The following NRG3 variants were observed in gnomAD, a reference collection of about 807,000 sequenced individuals.
NRG3 encodes neuregulin 3.
NRG3 carries 31 observed loss-of-function variants against 66.9 expected under a neutral mutation model. The observed-to-expected ratio is 0.46, with a 90% CI of 0.35 to 0.63. The LOEUF (loss-of-function observed/expected upper bound fraction) is 0.63, where lower values mean the gene tolerates loss of function less well. Ranked by LOEUF, NRG3 falls within the 20% of genes least tolerant of loss-of-function variation. NRG3 has a pLI of 0.00. For missense variants in NRG3, 910 were observed against 878.9 expected (o/e 1.04, Z -0.45); for synonymous variants, 393 against 359.4 (o/e 1.09, Z -1.06).
At chr10:82,862,138 G>A (rs975281262) in intron 3 of NRG3, among the ~76,000 whole-genome samples, 1 of 152,134 alleles carries the variant, frequency 6.6e-6, no homozygotes, top group Non-Finnish European at 1.5e-5. Flanking sequence ...TGCACCCTCA[G>A]GCATCAACAC....
rs192430428 is a variant in NRG3, at chr10:82,730,421, A to G, written c.954-8156A>G. On this transcript the variant is annotated intron_variant, in intron 2 of 8. Coordinates refer to ENST00000372141, the MANE Select transcript of NRG3 (RefSeq NM_001010848.4). ...TTCTTAAAATTTAAGATATAATTCC[A>G]TTAGCAAGAAACGTCAGAGTGACAT... is the stretch of plus-strand genomic sequence containing the variant. Among the ~76,000 whole-genome samples the G allele has an allele frequency of 1.6e-3, 250 of 152,304 alleles. 1 individual carries two copies. Among genetic ancestry groups the G allele is most frequent in the African/African-American group, 5.7e-3 (238 of 41,560 alleles).
chr10:82,551,645 C>A (rs2044316096), intron 2 of NRG3, among the ~76,000 whole-genome samples: 2 of 150,364 alleles, frequency 1.3e-5, no homozygotes, highest in East Asian at 2.0e-4. Context: ...CCACACAAAA[C>A]AACTACCTAG....
At chr10:82,830,614 T>C (rs1215598064) in intron 3 of NRG3, among the ~76,000 whole-genome samples, 1 of 152,052 alleles carries the variant, frequency 6.6e-6, no homozygotes, top group Non-Finnish European at 1.5e-5. Context: ...ATAAATATAA[T>C]AAAACCCACC....
chr10:82,186,032 A>C (rs773283915), intron 1 of NRG3, among the ~76,000 whole-genome samples: 1 of 152,182 alleles, frequency 6.6e-6, no homozygotes, highest in Admixed American at 6.5e-5. Flanking sequence ...CAATATCAGC[A>C]GAAAGCTTAT....
intron 2 of NRG3, among the ~76,000 whole-genome samples, chr10:82,440,437 TAA>T (rs1157729259): frequency 2.0e-5 from 3 of 151,910 alleles, no homozygotes; most frequent in African/African-American, 7.3e-5. Flanking sequence ...TTTGCTTCAT[TAA>T]TGATAGTTTT....
chr10:81,911,614 T>G (rs1845166887), intron 1 of NRG3, among the ~76,000 whole-genome samples: 1 of 139,918 alleles, frequency 7.1e-6, no homozygotes, highest in Non-Finnish European at 1.5e-5. Flanking sequence ...TTTTTTTTTT[T>G]TTTTTTTTTT....
intron 2 of NRG3, among the ~76,000 whole-genome samples, chr10:82,568,764 C>T (rs1451067998): frequency 1.3e-5 from 2 of 151,808 alleles, no homozygotes; most frequent in African/African-American, 2.4e-5. Flanking sequence ...CCTTATAACA[C>T]GGAAACTCCT....
intron 4 of NRG3, among the ~76,000 whole-genome samples, chr10:82,896,138 C>T (rs1375194974): frequency 6.6e-6 from 1 of 152,182 alleles, no homozygotes; most frequent in Non-Finnish European, 1.5e-5. Flanking sequence ...GTACAGTTTA[C>T]ATGATGAAAG....
chr10:82,285,047 A>T (rs1415692433), intron 1 of NRG3, among the ~76,000 whole-genome samples: 1 of 152,136 alleles, frequency 6.6e-6, no homozygotes, highest in Non-Finnish European at 1.5e-5. Context: ...TCTAACTTTT[A>T]TTTGTTTGGC....
chr10:82,839,669 G>A (rs956656204), intron 3 of NRG3, among the ~76,000 whole-genome samples: 3 of 150,956 alleles, frequency 2.0e-5, no homozygotes, highest in Admixed American at 6.6e-5. Context: ...AATTTAAGTG[G>A]CTTCATTGTT....
intron 1 of NRG3, among the ~76,000 whole-genome samples, chr10:81,967,845 C>T (rs2059789797): frequency 6.6e-6 from 1 of 152,066 alleles, no homozygotes; most frequent in Non-Finnish European, 1.5e-5. Context: ...CTGCATATGG[C>T]TGTATGCTTA....
intron 1 of NRG3, among the ~76,000 whole-genome samples, chr10:82,255,795 G>C (rs1269406319): frequency 6.6e-6 from 1 of 151,892 alleles, no homozygotes; most frequent in African/African-American, 2.4e-5. Context: ...GTAGAGATGG[G>C]GTTTTACCAT....
intron 1 of NRG3, among the ~76,000 whole-genome samples, chr10:82,278,073 A>T (rs956835653): frequency 1.3e-5 from 2 of 152,234 alleles, no homozygotes; most frequent in Middle Eastern, 6.8e-3. Flanking sequence ...ACACATATGT[A>T]AGCAGAGATG....
At chr10:82,082,423 A>G (rs1472909403) in intron 1 of NRG3, among the ~76,000 whole-genome samples, 1 of 152,206 alleles carries the variant, frequency 6.6e-6, no homozygotes, top group African/African-American at 2.4e-5. Context: ...ATTGCCAGCT[A>G]GTGAGTCAAG....
chr10:82,549,596 A>G (rs1054830343), intron 2 of NRG3, among the ~76,000 whole-genome samples: 1 of 152,152 alleles, frequency 6.6e-6, no homozygotes, highest in Non-Finnish European at 1.5e-5. Context: ...TAAAATAGCT[A>G]TTATCACTAT....
At chr10:82,081,821 T>C (rs2065413650) in intron 1 of NRG3, among the ~76,000 whole-genome samples, 1 of 152,176 alleles carries the variant, frequency 6.6e-6, no homozygotes, top group African/African-American at 2.4e-5. Context: ...ACATAAGGAA[T>C]GGCTTTACTG....
chr10:82,270,833 T>TA (rs2078554535), intron 1 of NRG3, among the ~76,000 whole-genome samples: 2 of 152,148 alleles, frequency 1.3e-5, no homozygotes, highest in South Asian at 4.1e-4. Flanking sequence ...TATTGTCTCT[T>TA]ACGCCATGGA....
At chr10:82,405,324 G>A (rs946023479) in intron 2 of NRG3, among the ~76,000 whole-genome samples, 1 of 152,102 alleles carries the variant, frequency 6.6e-6, no homozygotes, top group African/African-American at 2.4e-5. Flanking sequence ...CTTTGCCTGA[G>A]AACCTCAAGA....
chr10:82,677,044 T>C (rs80350826), intron 2 of NRG3, among the ~76,000 whole-genome samples: 2,946 of 148,116 alleles, frequency 0.02, 120 homozygotes, highest in African/African-American at 0.071. Context: ...CTTTCTTTCT[T>C]TCTCTCTCTC....
Sources: allele counts gnomAD v4.1 joint callset (sites outside exome capture counted in the v4.1 genomes callset), GRCh38; gene constraint gnomAD v4.1.1; transcripts MANE v1.5; gene names NCBI Gene and HGNC (gene_info 2026-07-23, HGNC 2026-07-21).